The following CNPY2 variants were observed in gnomAD, a reference collection of about 807,000 sequenced individuals.
CNPY2 encodes protein canopy homolog 2.
CNPY2 carries 19 observed loss-of-function variants against 25.5 expected under a neutral mutation model. The observed-to-expected ratio is 0.74, with a 90% CI of 0.52 to 1.09. The LOEUF (loss-of-function observed/expected upper bound fraction) is 1.09, where lower values mean the gene tolerates loss of function less well. Ranked by LOEUF, CNPY2 falls within the 50% of genes least tolerant of loss-of-function variation. The pLI, the probability that CNPY2 is intolerant of heterozygous loss-of-function variation, is 0.00. For missense variants in CNPY2, 214 were observed against 233.6 expected, an observed-to-expected ratio of 0.92 and a Z score of 0.55; for synonymous variants, 82 against 85.0, an observed-to-expected ratio of 0.96 and a Z score of 0.19.
Position 56,315,114 on chromosome 12 carries a change from C to T in CNPY2, c.88+16G>A. 4.3e-6 allele frequency: 7 copies of T among 1,613,084 alleles called. No individual in the cohort carries two copies. The highest frequency in any genetic ancestry group is 1.1e-5 in the South Asian group (1 of 91,050). On this transcript the variant is annotated intron_variant, in intron 2 of 5. Transcript: ENST00000273308. ...GGCTCTGCTTCCTCCACTTCTTTTT[C>T]CCGTTGTGCCTTTACCTCCACAGTG...
At chr12:56,316,168 T>A (rs549840099), upstream of CNPY2, 7 of 152,822 alleles carry the variant, frequency 4.6e-5, no homozygotes, top group South Asian at 2.1e-4. Flanking sequence ...CAGACTTGCG[T>A]GGCGAACAGA....
intron 3 of CNPY2, among the ~76,000 whole-genome samples, chr12:56,312,096 T>C (rs1210756585): frequency 2.6e-5 from 4 of 152,086 alleles, no homozygotes; most frequent in Non-Finnish European, 4.4e-5. Flanking sequence ...GCCAGGATGG[T>C]CTCGATCTCC....
At position 56,309,950 on chromosome 12, in the gene CNPY2, C is replaced by G. The variant is rs1260054608; in HGVS notation, c.*602G>C. ...CCTTCCTTACCTCGTCTGTCCCTATCCGATAAAGCCCTTACTTTTCAGCTG... is the reference window on the plus strand; with the variant it reads ...CCTTCCTTACCTCGTCTGTCCCTATGCGATAAAGCCCTTACTTTTCAGCTG... On this transcript the variant is annotated 3_prime_UTR_variant, in exon 6 of 6. Coordinates refer to ENST00000273308, the MANE Select transcript of CNPY2 (RefSeq NM_014255.7). 8 of 702,230 alleles carry G rather than the reference C, an allele frequency of 1.1e-5. No individual in the cohort carries two copies. In the Admixed American group the frequency reaches 1.4e-4, roughly 12 times the overall value. The allele number at this position is 702,230 out of a possible 1,614,324, so 43.5% of individuals were successfully genotyped here. A position where few individuals can be genotyped will look rare whatever the true frequency, so the allele number is the denominator to read the frequency against.
intron 3 of CNPY2, among the ~76,000 whole-genome samples, chr12:56,313,145 C>T (rs1873771252): frequency 6.6e-6 from 1 of 152,114 alleles, no homozygotes; most frequent in Non-Finnish European, 1.5e-5. Flanking sequence ...CCCAACACCC[C>T]AACAGGACCT....
upstream of CNPY2, chr12:56,316,200 A>C (rs781666459): frequency 6.5e-6 from 1 of 152,824 alleles, no homozygotes; most frequent in East Asian, 1.9e-4. Context: ...ACCAGGGGTC[A>C]GCCGTAGAAT....
At chr12:56,310,923 C>A (rs1220994880) in intron 5 of CNPY2, 35 bp downstream of exon 5, 3 of 1,578,302 alleles carry the variant, frequency 1.9e-6, no homozygotes, top group Non-Finnish European at 2.6e-6. Context: ...TTCCACAGAG[C>A]TACTAGAACA....
At position 56,311,165 on chromosome 12, in the gene CNPY2, C is replaced by T. The variant is rs1873704583; in HGVS notation, c.408+46G>A. ...CCTAACTTTCTAATTGGTTCTCCAACAACCCCTTAATGTCCAAGAACCAGC... is the reference window on the plus strand; with the variant it reads ...CCTAACTTTCTAATTGGTTCTCCAATAACCCCTTAATGTCCAAGAACCAGC... On this transcript the variant is annotated intron_variant, in intron 4 of 5. Transcript: ENST00000273308. The T allele has an allele frequency of 3.7e-6, 6 of 1,609,048 alleles. No homozygotes were observed. The African/African-American group carries it at 5.3e-5, about 14-fold the overall frequency.
intron 3 of CNPY2, among the ~76,000 whole-genome samples, chr12:56,313,790 T>C (rs1384827405): frequency 6.6e-6 from 1 of 150,948 alleles, no homozygotes; most frequent in Non-Finnish European, 1.5e-5. Context: ...GTATTTTTAG[T>C]AGAGACGGGG....
In CNPY2 at chr12:56,311,153, T is replaced by C. The variant is rs936005227; in HGVS notation, c.408+58A>G. 6.7e-5 allele frequency: 107 copies of C among 1,605,808 alleles called. 3 individuals carry two copies. The South Asian group carries it at 8.6e-4, about 13-fold the overall frequency. ...CAAGGATATCAGCCTAACTTTCTAA[T>C]TGGTTCTCCAACAACCCCTTAATGT... On this transcript the variant is annotated intron_variant, in intron 4 of 5. Transcript: ENST00000273308.
In CNPY2 at chr12:56,313,063, T is replaced by C. The variant is rs575434749; in HGVS notation, c.205-1649A>G. ...TTGTTGCATAGGTATACATGTGCCA[T>C]GGTGGTTTGCTACACCCATCAACCT... On this transcript the variant is annotated intron_variant, in intron 3 of 5. Transcript: ENST00000273308. Among the ~76,000 whole-genome samples the C allele has an allele frequency of 2.0e-5, 3 of 152,310 alleles. No individual in the cohort carries two copies. In the South Asian group the frequency reaches 6.2e-4, roughly 32 times the overall value.
At chr12:56,310,709 AG>A (rs1873691072) in intron 5 of CNPY2, 114 bp from the exon 6 acceptor site, 1 of 1,066,716 alleles carries the variant, frequency 9.4e-7, no homozygotes, top group East Asian at 2.4e-5. Flanking sequence ...ACCATTCTGC[AG>A]AATATATGCT....
intron 2 of CNPY2, 24 bp downstream of exon 2, chr12:56,315,106 T>C (rs1565628988): frequency 6.2e-7 from 1 of 1,612,298 alleles, no homozygotes; most frequent in Non-Finnish European, 8.5e-7. Context: ...CTTCCTCCAC[T>C]TCTTTTTCCC....
At chr12:56,314,776 A>G (rs753557012) in intron 3 of CNPY2, 75 bp downstream of exon 3, 3 of 1,610,540 alleles carry the variant, frequency 1.9e-6, no homozygotes, top group Admixed American at 3.4e-5. Flanking sequence ...TATTAAACCA[A>G]GGTCCTTTTT....
intron 3 of CNPY2, 39 bp downstream of exon 3, chr12:56,314,812 A>G: frequency 4.3e-6 from 7 of 1,614,236 alleles, no homozygotes; most frequent in Middle Eastern, 1.6e-4. Flanking sequence ...ATCCAAAGCC[A>G]GAGTGAGCTA....
rs776288086 is a variant in CNPY2, at chr12:56,311,197, T to C, written c.408+14A>G. 1 of 1,613,434 alleles carries C rather than the reference T, an allele frequency of 6.2e-7. No homozygotes were observed. Among genetic ancestry groups the C allele is most frequent in the Non-Finnish European group, 8.5e-7 (1 of 1,179,372 alleles). Reference sequence around the variant, plus strand: ...TTAATGTCCAAGAACCAGCTACCGATTCCCATAGCTCACCGCAAACTTGAG... The same window carrying C: ...TTAATGTCCAAGAACCAGCTACCGACTCCCATAGCTCACCGCAAACTTGAG... On this transcript the variant is annotated intron_variant, in intron 4 of 5. Transcript: ENST00000273308.
chr12:56,314,279 T>C (rs1873811631), intron 3 of CNPY2, among the ~76,000 whole-genome samples: 2 of 151,952 alleles, frequency 1.3e-5, no homozygotes, highest in South Asian at 4.2e-4. Flanking sequence ...CAAGTGATCC[T>C]CCCACCTCAG....
chr12:56,311,091 A>C (rs756538711), intron 4 of CNPY2, 37 bp from the exon 5 acceptor site: 1 of 1,607,766 alleles, frequency 6.2e-7, no homozygotes, highest in Admixed American at 1.7e-5. Flanking sequence ...ACACAGGGCA[A>C]TAAGAGGCCT....
At chr12:56,314,640 A>T in intron 3 of CNPY2, 1 of 1,420,002 alleles carries the variant, frequency 7.0e-7, no homozygotes, top group Non-Finnish European at 9.2e-7. Context: ...TTTGCTAACA[A>T]ATTCTACAGC....
chr12:56,311,287 C>G lies in CNPY2; in HGVS notation c.332G>C (p.Arg111Pro). Residue 111 changes from arginine to proline, a missense_variant, in exon 4 of 6, where the codon CGG becomes CCG. Arg to Pro is a moderately radical substitution (Grantham distance 103). Coordinates refer to ENST00000273308, the MANE Select transcript of CNPY2 (RefSeq NM_014255.7). ...GTCCAGTTCACTGGATTCTCCATTC[C>G]GGCCCACTACACGTACGTAGTTCTT... is the stretch of plus-strand genomic sequence containing the variant. The part of the protein sequence containing the change: ...HRKNYVRVVG[R>P]NGESSELDLQ... The G allele has an allele frequency of 5.6e-6, 9 of 1,614,164 alleles. No homozygotes were observed. Among genetic ancestry groups the G allele is most frequent in the Non-Finnish European group, 7.6e-6 (9 of 1,180,030 alleles).
Sources: gnomAD v4.1 joint callset for allele counts (sites outside exome capture counted in the v4.1 genomes callset) on GRCh38, gnomAD v4.1.1 for gene constraint, MANE v1.5 for transcripts, NCBI Gene and HGNC (gene_info 2026-07-23, HGNC 2026-07-21) for gene names.